UNC13C: variants seen among roughly 807,000 people sequenced by gnomAD.
UNC13C encodes protein unc-13 homolog C.
A neutral mutation model predicts 245.4 loss-of-function variants in UNC13C; 174 were observed. The ratio of observed to expected loss-of-function variants is 0.71; its 90% CI spans 0.63 to 0.80. UNC13C has a LOEUF of 0.80. Ranked by LOEUF, UNC13C falls within the 30% of genes least tolerant of loss-of-function variation. The pLI is 0.00. For missense variants in UNC13C, 2,829 were observed against 2,602.9 expected, an observed-to-expected ratio of 1.09 and a Z score of -1.89; for synonymous variants, 992 against 895.1, an observed-to-expected ratio of 1.11 and a Z score of -1.93.
intron 30 of UNC13C, among the ~76,000 whole-genome samples, chr15:54,615,464 C>G (rs1407782751): frequency 6.6e-6 from 1 of 151,968 alleles, no homozygotes; most frequent in Non-Finnish European, 1.5e-5. Context: ...TCCTGATGCT[C>G]TCATCCTTCA....
At chr15:53,990,543 T>C (rs1375689593) in intron 1 of UNC13C, among the ~76,000 whole-genome samples, 1 of 152,046 alleles carries the variant, frequency 6.6e-6, no homozygotes, top group Non-Finnish European at 1.5e-5. Context: ...TTTTTACTTT[T>C]ATTTTTCGGT....
intron 17 of UNC13C, among the ~76,000 whole-genome samples, chr15:54,368,879 C>G (rs2039425515): frequency 6.6e-6 from 1 of 152,012 alleles, no homozygotes; most frequent in African/African-American, 2.4e-5. Flanking sequence ...CAGTAATATC[C>G]TTTCAAATAT....
chr15:54,092,130 T>G (rs945845755), intron 2 of UNC13C, among the ~76,000 whole-genome samples: 4 of 152,198 alleles, frequency 2.6e-5, no homozygotes, highest in Non-Finnish European at 5.9e-5. Context: ...TCGGCTGTGT[T>G]CCACCTTCCT....
intron 25 of UNC13C, among the ~76,000 whole-genome samples, chr15:54,525,850 C>T (rs544111757): frequency 2.6e-5 from 4 of 152,256 alleles, no homozygotes; most frequent in East Asian, 1.9e-4. Flanking sequence ...ATCCTTCGGT[C>T]GGATAACACC....
At chr15:54,552,855 TATATTAATATATAA>T (rs1487596210) in intron 28 of UNC13C, among the ~76,000 whole-genome samples, 4 of 40,254 alleles carry the variant, frequency 9.9e-5, no homozygotes, top group African/African-American at 8.9e-4. Context: ...ATATATAATA[TATATTAATATATAA>T]TATATATTGT....
the UNC13C span, among the ~76,000 whole-genome samples, chr15:53,868,766 C>T: frequency 1.3e-5 from 2 of 152,094 alleles, no homozygotes; most frequent in Non-Finnish European, 2.9e-5. Flanking sequence ...TCATATTACT[C>T]AGAGGTATGG....
At chr15:54,227,605 T>C (rs1420876439) in intron 4 of UNC13C, among the ~76,000 whole-genome samples, 1 of 152,188 alleles carries the variant, frequency 6.6e-6, no homozygotes, top group Non-Finnish European at 1.5e-5. Context: ...ACCAGCCAAG[T>C]CATGACAGCA....
At chr15:54,342,214 G>A (rs2038750688) in intron 17 of UNC13C, among the ~76,000 whole-genome samples, 1 of 152,056 alleles carries the variant, frequency 6.6e-6, no homozygotes, top group Non-Finnish European at 1.5e-5. Context: ...AAATATTGTG[G>A]ATACTAATCC....
the UNC13C span, among the ~76,000 whole-genome samples, chr15:53,962,993 T>G: frequency 6.7e-3 from 1,025 of 152,352 alleles, 29 homozygotes; most frequent in East Asian, 0.052. Flanking sequence ...AGAATATTTA[T>G]GTAGCTTTCT....
At chr15:54,302,849 A>G (rs2037623596) in intron 13 of UNC13C, among the ~76,000 whole-genome samples, 1 of 152,158 alleles carries the variant, frequency 6.6e-6, no homozygotes, top group African/African-American at 2.4e-5. Flanking sequence ...TCCCAAAGTA[A>G]TTGATAGATT....
At chr15:54,577,385 G>A (rs1192796964) in intron 30 of UNC13C, among the ~76,000 whole-genome samples, 1 of 152,126 alleles carries the variant, frequency 6.6e-6, no homozygotes, top group East Asian at 1.9e-4. Flanking sequence ...CTTTGTGCTA[G>A]GTAAATTACC....
chr15:54,525,966 C>G (rs1895437536), intron 25 of UNC13C, among the ~76,000 whole-genome samples: 1 of 152,028 alleles, frequency 6.6e-6, no homozygotes, highest in Non-Finnish European at 1.5e-5. Context: ...AGCTGGGTGA[C>G]TGGCTATTGA....
At chr15:54,136,939 C>A (rs977684151) in intron 2 of UNC13C, among the ~76,000 whole-genome samples, 5 of 151,904 alleles carry the variant, frequency 3.3e-5, no homozygotes, top group Non-Finnish European at 7.4e-5. Context: ...TATTCTCAAT[C>A]AGTCCTCCCA....
chr15:54,295,828 GTC>G (rs1436167719), intron 11 of UNC13C, among the ~76,000 whole-genome samples: 1 of 152,116 alleles, frequency 6.6e-6, no homozygotes, highest in East Asian at 1.9e-4. Flanking sequence ...AATATTGTAA[GTC>G]TTTACCTACC....
At position 54,220,131 on chromosome 15, in the gene UNC13C, A is replaced by G. The variant is rs917780735; in HGVS notation, c.3072-14899A>G. On this transcript the variant is annotated intron_variant, in intron 4 of 32. Transcript: ENST00000260323. ...AAAGGACTATAAATCATGCTGCTAT[A>G]AAGACACATGCACATGTATGTTTAC... Among the ~76,000 whole-genome samples the G allele has an allele frequency of 3.1e-4, 47 of 151,104 alleles. 1 individual carries two copies. In the South Asian group the frequency reaches 6.4e-3, roughly 20 times the overall value.
At chr15:53,998,741 T>C (rs572499569) in intron 1 of UNC13C, among the ~76,000 whole-genome samples, 76 of 152,232 alleles carry the variant, frequency 5.0e-4, no homozygotes, top group African/African-American at 1.4e-3. Flanking sequence ...AGCTCATATG[T>C]AGATTTTGAT....
intron 19 of UNC13C, among the ~76,000 whole-genome samples, chr15:54,460,653 A>C (rs1246321990): frequency 1.3e-5 from 2 of 152,202 alleles, no homozygotes; most frequent in African/African-American, 4.8e-5. Flanking sequence ...AGCTCCCAAG[A>C]GTTTACGTCC....
the UNC13C span, among the ~76,000 whole-genome samples, chr15:53,958,888 C>A: frequency 6.6e-6 from 1 of 152,110 alleles, no homozygotes; most frequent in African/African-American, 2.4e-5. Context: ...AATACTAGAA[C>A]TTATTCCTTC....
chr15:54,084,097 G>A (rs1432184254), intron 2 of UNC13C, among the ~76,000 whole-genome samples: 3 of 152,204 alleles, frequency 2.0e-5, no homozygotes, highest in East Asian at 3.9e-4. Flanking sequence ...CCCTTTCTTC[G>A]GGGCTCCACG....
Sources: gnomAD v4.1 joint callset for allele counts (sites outside exome capture counted in the v4.1 genomes callset) on GRCh38, gnomAD v4.1.1 for gene constraint, MANE v1.5 for transcripts, NCBI Gene and HGNC (gene_info 2026-07-23, HGNC 2026-07-21) for gene names.